SLC1A2: variants seen among roughly 807,000 people sequenced by gnomAD.
The protein encoded by SLC1A2 is solute carrier family 1 member 2.
A neutral mutation model predicts 48.8 loss-of-function variants in SLC1A2; 15 were observed. The ratio of observed to expected loss-of-function variants is 0.31; its 90% CI spans 0.21 to 0.47. SLC1A2 has a LOEUF of 0.47. Ranked by LOEUF, SLC1A2 falls within the 20% of genes least tolerant of loss-of-function variation. The pLI is 0.99. For synonymous variants in SLC1A2, 279 were observed against 272.6 expected (o/e 1.02, Z -0.23); for missense variants, 502 against 730.5 (o/e 0.69, Z 3.61).
At chr11:35,361,557 A>C (rs889170315) in intron 1 of SLC1A2, among the ~76,000 whole-genome samples, 2 of 152,100 alleles carry the variant, frequency 1.3e-5, no homozygotes, top group Admixed American at 6.5e-5. Context: ...ACCCCTTGTC[A>C]GGCATCAAAA....
rs149557105 is a variant in SLC1A2 at position 35,394,698 on chromosome 11, G to C, written c.17+24252C>G. On this transcript the variant is annotated intron_variant, in intron 1 of 10. Coordinates refer to ENST00000278379, the MANE Select transcript of SLC1A2 (RefSeq NM_004171.4). Reference sequence around the variant, plus strand: ...TAAGCAAACCTGTAGGTCTGACCTAGTCAGTGGGAGTGGCCAGTGCCAAAT... The same window carrying C: ...TAAGCAAACCTGTAGGTCTGACCTACTCAGTGGGAGTGGCCAGTGCCAAAT... Among the ~76,000 whole-genome samples, 1,415 of 152,288 alleles carry C rather than the reference G, an allele frequency of 9.3e-3. 9 individuals carry two copies. Among genetic ancestry groups the C allele is most frequent in the Non-Finnish European group, 0.015 (1,037 of 68,016 alleles).
At chr11:35,346,813 G>A (rs1197275241) in intron 1 of SLC1A2, among the ~76,000 whole-genome samples, 1 of 152,260 alleles carries the variant, frequency 6.6e-6, no homozygotes, top group Non-Finnish European at 1.5e-5. Context: ...ACAGAGAAGA[G>A]GGGCAGGGCA....
chr11:35,272,930 C>T lies in SLC1A2; in HGVS notation c.1422-7172G>A, dbSNP rs570414025. Among the ~76,000 whole-genome samples the T allele has an allele frequency of 1.1e-3, 164 of 152,236 alleles. 1 individual carries two copies. The highest frequency in any genetic ancestry group is 3.1e-3 in the South Asian group (15 of 4,822). On this transcript the variant is annotated intron_variant, in intron 9 of 10. Coordinates refer to ENST00000278379, the MANE Select transcript of SLC1A2 (RefSeq NM_004171.4). ...GGTTCACTGAAAGAAAAACAAGTAC[C>T]AAGGTACTCTCTCTCATCTTCATCT...
At chr11:35,303,523 A>G (rs901133103) in intron 5 of SLC1A2, among the ~76,000 whole-genome samples, 1 of 152,200 alleles carries the variant, frequency 6.6e-6, no homozygotes, top group African/African-American at 2.4e-5. Flanking sequence ...TCTCAAGCCC[A>G]TGGAGAGGAG....
At chr11:35,399,874 G>A (rs1181969692) in intron 1 of SLC1A2, among the ~76,000 whole-genome samples, 6 of 152,228 alleles carry the variant, frequency 3.9e-5, no homozygotes, top group Non-Finnish European at 7.4e-5. Context: ...GATGTGGGAT[G>A]TCAAAGATTA....
chr11:35,326,672 C>T lies in SLC1A2; in HGVS notation c.18-9156G>A, dbSNP rs1220825420. On this transcript the variant is annotated intron_variant, in intron 1 of 10. Transcript: ENST00000278379. ...CAAGAAGGCAAGTCACTACCATGAC[C>T]TTGCAAATTGCAAGATTTACCATGG... Among the ~76,000 whole-genome samples, 3 of 152,322 alleles carry T rather than the reference C, an allele frequency of 2.0e-5. No individual in the cohort carries two copies. In the South Asian group the frequency reaches 6.2e-4, roughly 32 times the overall value.
chr11:35,353,729 T>C (rs1315739848), intron 1 of SLC1A2, among the ~76,000 whole-genome samples: 2 of 152,212 alleles, frequency 1.3e-5, no homozygotes, highest in Admixed American at 6.5e-5. Flanking sequence ...GTCACCTTTC[T>C]ACCATCAACA....
At chr11:35,332,316 C>T (rs1049531194) in intron 1 of SLC1A2, among the ~76,000 whole-genome samples, 1 of 152,226 alleles carries the variant, frequency 6.6e-6, no homozygotes, top group Non-Finnish European at 1.5e-5. Context: ...TCCTTAGCAA[C>T]TGAGGTGAAA....
chr11:35,328,916 C>T (rs114173307), intron 1 of SLC1A2, among the ~76,000 whole-genome samples: 3,451 of 152,296 alleles, frequency 0.023, 118 homozygotes, highest in African/African-American at 0.078. Context: ...AAATACAGAT[C>T]TCCAAAACTT....
intron 6 of SLC1A2, among the ~76,000 whole-genome samples, chr11:35,296,451 G>C (rs1851173801): frequency 6.6e-6 from 1 of 152,190 alleles, no homozygotes; most frequent in African/African-American, 2.4e-5. Context: ...GTTACCATTT[G>C]TGGATTAGAA....
intron 6 of SLC1A2, chr11:35,298,384 A>G (rs1305618265): frequency 6.6e-6 from 1 of 152,212 alleles, no homozygotes; most frequent in African/African-American, 2.4e-5. Context: ...TTCTGCTATT[A>G]TTACTATTAT....
intron 1 of SLC1A2, among the ~76,000 whole-genome samples, chr11:35,340,939 C>T (rs1307430568): frequency 6.6e-6 from 1 of 152,120 alleles, no homozygotes; most frequent in African/African-American, 2.4e-5. Flanking sequence ...AAGCATAATC[C>T]TGAGAAATTG....
chr11:35,395,360 G>A (rs1010960342), intron 1 of SLC1A2, among the ~76,000 whole-genome samples: 1 of 151,748 alleles, frequency 6.6e-6, no homozygotes, highest in Non-Finnish European at 1.5e-5. Flanking sequence ...TATGTGTGAA[G>A]CTCTGGGGAA....
chr11:35,383,510 T>G lies in SLC1A2; in HGVS notation c.17+35440A>C, dbSNP rs190755589. On this transcript the variant is annotated intron_variant, in intron 1 of 10. Coordinates refer to ENST00000278379, the MANE Select transcript of SLC1A2 (RefSeq NM_004171.4). Reference sequence around the variant, plus strand: ...GAGCTGACTGCTTAGGTTTGGATTCTGGTTCTGCTCCTCACTAGCTATGTA... The same window carrying G: ...GAGCTGACTGCTTAGGTTTGGATTCGGGTTCTGCTCCTCACTAGCTATGTA... Among the ~76,000 whole-genome samples, 11 of 152,322 alleles carry G rather than the reference T, an allele frequency of 7.2e-5. No individual in the cohort carries two copies. The East Asian group carries it at 2.1e-3, about 29-fold the overall frequency.
At chr11:35,363,721 C>T (rs1045625754) in intron 1 of SLC1A2, among the ~76,000 whole-genome samples, 4 of 152,148 alleles carry the variant, frequency 2.6e-5, no homozygotes, top group Admixed American at 6.5e-5. Flanking sequence ...TGCTCCAGGA[C>T]ACGTGGCTGA....
At chr11:35,269,804 A>T (rs1850227637) in intron 9 of SLC1A2, among the ~76,000 whole-genome samples, 1 of 152,218 alleles carries the variant, frequency 6.6e-6, no homozygotes, top group African/African-American at 2.4e-5. Context: ...TGGAAGACAG[A>T]GTTGTATAGA....
intron 9 of SLC1A2, among the ~76,000 whole-genome samples, chr11:35,269,832 G>A (rs914380360): frequency 1.2e-4 from 19 of 152,284 alleles, no homozygotes; most frequent in South Asian, 2.1e-4. Flanking sequence ...CAGACTGGCC[G>A]GATGCAGTGG....
intron 1 of SLC1A2, chr11:35,413,652 C>T (rs954020784): frequency 6.6e-6 from 1 of 152,064 alleles, no homozygotes; most frequent in Non-Finnish European, 1.5e-5. Flanking sequence ...TAAGAATATA[C>T]CCATGGGCCA....
rs80349646 is a variant in SLC1A2 at position 35,389,400 on chromosome 11, C to CTT, written c.17+29548_17+29549dup. ...CAAAACTACTTCTCAGGTTTTTGGT[C>CTT]TTTTTTTTGTTTTGTTTTTAACTAT... On this transcript the variant is annotated intron_variant, in intron 1 of 10. Transcript: ENST00000278379. Among the ~76,000 whole-genome samples the CTT allele has an allele frequency of 9.9e-5, 15 of 151,634 alleles. No individual in the cohort carries two copies. In the South Asian group the frequency reaches 1.0e-3, roughly 11 times the overall value.
Sources: gnomAD v4.1 joint callset for allele counts (sites outside exome capture counted in the v4.1 genomes callset) on GRCh38, gnomAD v4.1.1 for gene constraint, MANE v1.5 for transcripts, NCBI Gene and HGNC (gene_info 2026-07-23, HGNC 2026-07-21) for gene names.